PPFIA2: variants seen among roughly 807,000 people sequenced by gnomAD.
PPFIA2 encodes the protein PPFI scaffold protein A2.
PPFIA2 carries 46 observed loss-of-function variants against 175.5 expected under a neutral mutation model. The ratio of observed to expected loss-of-function variants is 0.26; its 90% CI spans 0.21 to 0.34. The LOEUF (loss-of-function observed/expected upper bound fraction) is 0.34, where lower values mean the gene tolerates loss of function less well. Among genes scored for constraint, PPFIA2 ranks in the 10% least tolerant of loss-of-function variants. PPFIA2 has a pLI of 1.00. For missense variants in PPFIA2, 1,179 were observed against 1,506.1 expected (o/e 0.78, Z 3.60); for synonymous variants, 568 against 511.4 (o/e 1.11, Z -1.49).
chr12:81,698,477 A>T (rs2076131758), intron 3 of PPFIA2, among the ~76,000 whole-genome samples: 1 of 152,112 alleles, frequency 6.6e-6, no homozygotes, highest in South Asian at 2.1e-4. Flanking sequence ...AGCCTCCAGA[A>T]CTGTAAAAAA....
chr12:81,421,930 C>T (rs182102847), intron 7 of PPFIA2, among the ~76,000 whole-genome samples: 2 of 151,518 alleles, frequency 1.3e-5, no homozygotes, highest in Admixed American at 1.3e-4. Context: ...AAAGTTATGC[C>T]ATGCAAACGG....
intron 4 of PPFIA2, among the ~76,000 whole-genome samples, chr12:81,569,439 C>T (rs769110645): frequency 2.0e-5 from 3 of 152,158 alleles, no homozygotes; most frequent in Non-Finnish European, 4.4e-5. Context: ...TAAACTCCGA[C>T]TACTCCAACA....
At chr12:81,652,081 T>C (rs2067114374) in intron 4 of PPFIA2, among the ~76,000 whole-genome samples, 1 of 151,638 alleles carries the variant, frequency 6.6e-6, no homozygotes, top group African/African-American at 2.4e-5. Flanking sequence ...TAAGATCTTT[T>C]CTAGTTCTAC....
chr12:81,662,546 G>A (rs904243794), intron 4 of PPFIA2, among the ~76,000 whole-genome samples: 4 of 152,270 alleles, frequency 2.6e-5, no homozygotes, highest in Admixed American at 1.3e-4. Flanking sequence ...CTCTGAAATT[G>A]AGGCTATAAT....
intron 4 of PPFIA2, among the ~76,000 whole-genome samples, chr12:81,629,662 C>A (rs1013087600): frequency 6.6e-6 from 1 of 152,140 alleles, no homozygotes; most frequent in African/African-American, 2.4e-5. Context: ...ACCTTTCATT[C>A]CAGCACCCAT....
chr12:81,635,566 A>T (rs2063893165), intron 4 of PPFIA2, among the ~76,000 whole-genome samples: 1 of 152,104 alleles, frequency 6.6e-6, no homozygotes, highest in Non-Finnish European at 1.5e-5. Flanking sequence ...ACATGAAATG[A>T]CCTCAGACCT....
chr12:81,303,881 T>C (rs2048476929), intron 22 of PPFIA2, among the ~76,000 whole-genome samples: 1 of 152,176 alleles, frequency 6.6e-6, no homozygotes, highest in Non-Finnish European at 1.5e-5. Flanking sequence ...TGCAGACTAA[T>C]TAACCAGGCG....
At chr12:81,458,673 T>A (rs954025877) in intron 4 of PPFIA2, among the ~76,000 whole-genome samples, 1 of 152,184 alleles carries the variant, frequency 6.6e-6, no homozygotes, top group Non-Finnish European at 1.5e-5. Context: ...TCATATGATA[T>A]GGTATTTTTA....
At chr12:81,423,839 A>G (rs1321124416) in intron 7 of PPFIA2, among the ~76,000 whole-genome samples, 2 of 152,170 alleles carry the variant, frequency 1.3e-5, no homozygotes, top group African/African-American at 4.8e-5. Context: ...GACATAAAAA[A>G]CTGTAAAGGC....
chr12:81,465,755 A>G (rs2055500084), intron 4 of PPFIA2, among the ~76,000 whole-genome samples: 2 of 152,208 alleles, frequency 1.3e-5, no homozygotes, highest in Admixed American at 6.5e-5. Context: ...TTTGAGAGAT[A>G]TAAACAAAGC....
chr12:81,555,649 A>C (rs1266135957), intron 4 of PPFIA2, among the ~76,000 whole-genome samples: 1 of 151,988 alleles, frequency 6.6e-6, no homozygotes, highest in Non-Finnish European at 1.5e-5. Flanking sequence ...AAGCACAAAA[A>C]ATTACAATTT....
At chr12:81,535,380 C>A (rs997936227) in intron 4 of PPFIA2, 3 of 455,188 alleles carry the variant, frequency 6.6e-6, no homozygotes, top group African/African-American at 6.0e-5. Flanking sequence ...GTCACCAGCA[C>A]TGGATTTCAG....
intron 4 of PPFIA2, among the ~76,000 whole-genome samples, chr12:81,472,270 A>G (rs1338534883): frequency 2.0e-5 from 3 of 152,184 alleles, no homozygotes; most frequent in Admixed American, 2.0e-4. Context: ...AAATATTCCA[A>G]AATTAATTGT....
At chr12:81,539,955 C>T (rs527728124) in intron 4 of PPFIA2, among the ~76,000 whole-genome samples, 4 of 152,076 alleles carry the variant, frequency 2.6e-5, no homozygotes, top group African/African-American at 9.6e-5. Context: ...TAAAGAAACT[C>T]AAATTTAACT....
At chr12:81,404,900 C>T (rs933852841) in intron 8 of PPFIA2, among the ~76,000 whole-genome samples, 2 of 152,174 alleles carry the variant, frequency 1.3e-5, no homozygotes, top group African/African-American at 2.4e-5. Context: ...AAACTCTTGA[C>T]ATTTTCAATT....
At chr12:81,522,841 T>G (rs990880471) in intron 4 of PPFIA2, among the ~76,000 whole-genome samples, 1 of 152,170 alleles carries the variant, frequency 6.6e-6, no homozygotes, top group African/African-American at 2.4e-5. Context: ...ACAGAGACAA[T>G]ATTGTGTATT....
chr12:81,400,824 G>A (rs1452669923), intron 8 of PPFIA2, among the ~76,000 whole-genome samples: 1 of 152,166 alleles, frequency 6.6e-6, no homozygotes, highest in Non-Finnish European at 1.5e-5. Flanking sequence ...AGCTTGGGAA[G>A]AACCTCATGT....
At chr12:81,621,039 A>G (rs1345936066) in intron 4 of PPFIA2, among the ~76,000 whole-genome samples, 1 of 152,252 alleles carries the variant, frequency 6.6e-6, no homozygotes, top group African/African-American at 2.4e-5. Flanking sequence ...CAATAGAATA[A>G]ATAACCAATT....
chr12:81,479,588 C>T lies in PPFIA2; in HGVS notation c.304-21722G>A, dbSNP rs569326426. 2.6e-4 allele frequency among the ~76,000 whole-genome samples: 39 copies of T among 152,188 alleles called. No homozygotes were observed. The South Asian group carries it at 7.0e-3, about 27-fold the overall frequency. ...TGGTTTTTCCTTTCCATATTTAGTG[C>T]TTCCTTCAGGAGCGCTTGTAAGGCA... On this transcript the variant is annotated intron_variant, in intron 4 of 32. Coordinates refer to ENST00000549396, the MANE Select transcript of PPFIA2 (RefSeq NM_003625.5).
Sources: allele counts gnomAD v4.1 joint callset (sites outside exome capture counted in the v4.1 genomes callset), GRCh38; gene constraint gnomAD v4.1.1; transcripts MANE v1.5; gene names NCBI Gene and HGNC (gene_info 2026-07-23, HGNC 2026-07-21).